EFNB2: variants seen among roughly 807,000 people sequenced by gnomAD.
The protein encoded by EFNB2 is ephrin-B2.
In EFNB2, 5 loss-of-function variants were observed where a neutral mutation model predicts 32.1. That is an observed-to-expected ratio of 0.16 (90% CI 0.08 to 0.33). The LOEUF (loss-of-function observed/expected upper bound fraction) is 0.33. Ranked by LOEUF, EFNB2 falls within the 10% of genes least tolerant of loss-of-function variation. The pLI is 1.00. For synonymous variants in EFNB2, 168 were observed against 166.5 expected (o/e 1.01, Z -0.07); for missense variants, 263 against 422.6 (o/e 0.62, Z 3.31).
At chr13:106,496,289 GCT>G (rs1412274871) in intron 2 of EFNB2, among the ~76,000 whole-genome samples, 2 of 152,154 alleles carry the variant, frequency 1.3e-5, no homozygotes, top group Non-Finnish European at 2.9e-5. Flanking sequence ...TTAGCTTGAC[GCT>G]CTGTTTGTCA....
At chr13:106,526,525 G>A (rs1879706162) in intron 1 of EFNB2, among the ~76,000 whole-genome samples, 1 of 152,076 alleles carries the variant, frequency 6.6e-6, no homozygotes, top group Non-Finnish European at 1.5e-5. Flanking sequence ...ACATGTCTAG[G>A]AGAAATCATG....
intron 2 of EFNB2, among the ~76,000 whole-genome samples, chr13:106,500,369 T>G (rs1168595532): frequency 6.6e-6 from 1 of 152,134 alleles, no homozygotes; most frequent in Non-Finnish European, 1.5e-5. Flanking sequence ...CACAAAAAAA[T>G]CCTACAGAAT....
intron 2 of EFNB2, among the ~76,000 whole-genome samples, chr13:106,499,381 T>G (rs914500151): frequency 1.3e-5 from 2 of 152,114 alleles, no homozygotes; most frequent in African/African-American, 4.8e-5. Flanking sequence ...ACCAAGAAGC[T>G]CTGAAAGGCT....
chr13:106,492,839 G>C lies in EFNB2; in HGVS notation c.*201C>G, dbSNP rs1878455497. ...TCTGCACAGTCTTCCAGCTTCCAGGGAGCGTGTGTGTTCACCAAGGCCGAA... is the reference window on the plus strand; with the variant it reads ...TCTGCACAGTCTTCCAGCTTCCAGGCAGCGTGTGTGTTCACCAAGGCCGAA... On this transcript the variant is annotated 3_prime_UTR_variant, in exon 5 of 5. Coordinates refer to ENST00000646441, the MANE Select transcript of EFNB2 (RefSeq NM_004093.4). The surrounding 1 kb of genome is among the most constrained non-coding windows in gnomAD (Gnocchi z 5.1). 3 of 640,890 alleles carry C rather than the reference G, an allele frequency of 4.7e-6. No homozygotes were observed. Among genetic ancestry groups the C allele is most frequent in the Non-Finnish European group, 7.8e-6 (3 of 385,744 alleles). The allele number at this position is 640,890 out of a possible 1,614,324, so 39.7% of individuals were successfully genotyped here.
At chr13:106,512,396 G>GGT (rs1555324663) in intron 2 of EFNB2, 133 bp downstream of exon 2, 6 of 585,590 alleles carry the variant, frequency 1.0e-5, no homozygotes, top group Non-Finnish European at 1.5e-5. Flanking sequence ...AAAAAAAGGG[G>GGT]GGGGGGACAA....
chr13:106,513,057 C>T (rs1410597842), intron 1 of EFNB2, among the ~76,000 whole-genome samples: 1 of 152,192 alleles, frequency 6.6e-6, no homozygotes, highest in Non-Finnish European at 1.5e-5. Context: ...GATCAGGCTA[C>T]CTGCTGACAT....
At chr13:106,521,808 T>G (rs1167672595) in intron 1 of EFNB2, among the ~76,000 whole-genome samples, 2 of 152,048 alleles carry the variant, frequency 1.3e-5, no homozygotes, top group African/African-American at 4.8e-5. Flanking sequence ...TATTTAATTT[T>G]TATCTGTGCC....
intron 1 of EFNB2, chr13:106,520,582 G>A (rs1178122648): frequency 6.6e-6 from 1 of 152,186 alleles, no homozygotes; most frequent in Non-Finnish European, 1.5e-5. Flanking sequence ...TGAATTTGAT[G>A]GCACACTTCA....
chr13:106,511,648 C>T (rs1356286951), intron 2 of EFNB2, among the ~76,000 whole-genome samples: 1 of 152,102 alleles, frequency 6.6e-6, no homozygotes, highest in Admixed American at 6.6e-5. Context: ...GGTAACCAAG[C>T]CACTGGAAAA....
At chr13:106,532,958 G>T (rs897988898) in intron 1 of EFNB2, among the ~76,000 whole-genome samples, 1 of 152,106 alleles carries the variant, frequency 6.6e-6, no homozygotes, top group Admixed American at 6.5e-5. Flanking sequence ...TCCCAACTAG[G>T]TATTTCTAAT....
chr13:106,513,044 T>C (rs1400282884), intron 1 of EFNB2, among the ~76,000 whole-genome samples: 1 of 152,220 alleles, frequency 6.6e-6, no homozygotes, highest in African/African-American at 2.4e-5. Flanking sequence ...CTCTAAGCTG[T>C]AGGATCAGGC....
chr13:106,498,605 T>C (rs1019950853), intron 2 of EFNB2, among the ~76,000 whole-genome samples: 3 of 152,168 alleles, frequency 2.0e-5, no homozygotes, highest in Non-Finnish European at 4.4e-5. Flanking sequence ...AAGGCTGTGT[T>C]GCATAAGAAT....
intron 4 of EFNB2, among the ~76,000 whole-genome samples, chr13:106,494,420 C>T (rs531889554): frequency 8.5e-5 from 13 of 152,222 alleles, no homozygotes; most frequent in African/African-American, 1.2e-4. Context: ...AACAAAATAA[C>T]GATAACCACC....
At chr13:106,532,460 T>A (rs1480091593) in intron 1 of EFNB2, among the ~76,000 whole-genome samples, 1 of 152,212 alleles carries the variant, frequency 6.6e-6, no homozygotes, top group Non-Finnish European at 1.5e-5. Flanking sequence ...ACATCATATT[T>A]ACCGATTCAA....
At chr13:106,508,617 T>C (rs1332860069) in intron 2 of EFNB2, among the ~76,000 whole-genome samples, 1 of 152,194 alleles carries the variant, frequency 6.6e-6, no homozygotes, top group East Asian at 1.9e-4. Context: ...TAGGTGGGGC[T>C]ATGTCTTGAT....
intron 1 of EFNB2, chr13:106,521,118 T>A (rs770716909): frequency 6.6e-6 from 1 of 151,406 alleles, no homozygotes; most frequent in Non-Finnish European, 1.5e-5. Flanking sequence ...ACAAATATCG[T>A]CTGCAACATG....
intron 1 of EFNB2, among the ~76,000 whole-genome samples, chr13:106,523,899 C>G (rs2138937975): frequency 1.3e-5 from 2 of 152,328 alleles, no homozygotes; most frequent in East Asian, 3.9e-4. Context: ...ATCTCCTTAG[C>G]TTGACACACA....
Position 106,534,975 on chromosome 13 carries a change from C to G in EFNB2, c.-11G>C, listed in dbSNP as rs1323640853. 1.2e-6 allele frequency: 2 copies of G among 1,612,382 alleles called. No homozygotes were observed. The highest frequency in any genetic ancestry group is 1.7e-6 in the Non-Finnish European group (2 of 1,179,188). On this transcript the variant is annotated 5_prime_UTR_variant, in exon 1 of 5. Transcript: ENST00000646441. Reference sequence around the variant, plus strand: ...CCTTCTCACAGCCATGGCGAAGCCACTCCCAGCTCCGCGCACTCCGGGCCA... The same window carrying G: ...CCTTCTCACAGCCATGGCGAAGCCAGTCCCAGCTCCGCGCACTCCGGGCCA...
intron 2 of EFNB2, chr13:106,510,038 T>C (rs1301562135): frequency 6.6e-6 from 1 of 152,198 alleles, no homozygotes; most frequent in African/African-American, 2.4e-5. Context: ...TAGCCTCTCG[T>C]AGTTTCAAAC....
Sources: gnomAD v4.1 joint callset for allele counts (sites outside exome capture counted in the v4.1 genomes callset) on GRCh38, gnomAD v4.1.1 for gene constraint, Gnocchi (gnomAD v3.1) non-coding constraint, MANE v1.5 for transcripts, NCBI Gene and HGNC (gene_info 2026-07-23, HGNC 2026-07-21) for gene names.